Variants in SGCZ observed in about 807,000 individuals in gnomAD.
SGCZ encodes the protein zeta-sarcoglycan.
Under a neutral mutation model 41.3 loss-of-function variants are expected in SGCZ, and 40 were observed. The ratio of observed to expected loss-of-function variants is 0.97; its 90% CI spans 0.75 to 1.26. The LOEUF is 1.26. SGCZ is among the 50% of genes most tolerant of loss of function. The pLI is 0.00. For synonymous variants in SGCZ, 206 were observed against 137.5 expected, an observed-to-expected ratio of 1.50 and a Z score of -3.49; for missense variants, 552 against 369.8, an observed-to-expected ratio of 1.49 and a Z score of -4.04.
chr8:14,247,002 A>G (rs1799119894), intron 3 of SGCZ, among the ~76,000 whole-genome samples: 1 of 152,030 alleles, frequency 6.6e-6, no homozygotes, highest in South Asian at 2.1e-4. Context: ...TTTTTATGTT[A>G]AAGGAAGAAG....
intron 1 of SGCZ, among the ~76,000 whole-genome samples, chr8:14,592,555 G>T: frequency 6.6e-6 from 1 of 151,060 alleles, no homozygotes; most frequent in Non-Finnish European, 1.5e-5. Flanking sequence ...ATATTATTGA[G>T]TCTTAAAACA....
At chr8:14,141,687 G>A (rs1554466281) in intron 5 of SGCZ, among the ~76,000 whole-genome samples, 1 of 152,202 alleles carries the variant, frequency 6.6e-6, no homozygotes, top group Non-Finnish European at 1.5e-5. Flanking sequence ...AGAGGATGTG[G>A]AGAAATAGGA....
At position 14,800,203 on chromosome 8, in the gene SGCZ, T is replaced by C. The variant is rs572330761; in HGVS notation, c.40-245277A>G. Among the ~76,000 whole-genome samples, 3 of 152,270 alleles carry C rather than the reference T, an allele frequency of 2.0e-5. No individual in the cohort carries two copies. The East Asian group carries it at 5.8e-4, about 29-fold the overall frequency. Reference sequence around the variant, plus strand: ...TAAATGTTACCTGGTCATTTGGAAATATGTGATCCTAACACATGTGTTTAG... The same window carrying C: ...TAAATGTTACCTGGTCATTTGGAAACATGTGATCCTAACACATGTGTTTAG... On this transcript the variant is annotated intron_variant, in intron 1 of 7. Transcript: ENST00000382080.
intron 1 of SGCZ, among the ~76,000 whole-genome samples, chr8:15,091,784 ACT>A (rs1806161477): frequency 6.6e-6 from 1 of 152,084 alleles, no homozygotes; most frequent in African/African-American, 2.4e-5. Context: ...ACAGGGTCTC[ACT>A]CTGTCAACCA....
intron 2 of SGCZ, among the ~76,000 whole-genome samples, chr8:14,346,323 A>G (rs1245314384): frequency 6.6e-6 from 1 of 152,118 alleles, no homozygotes; most frequent in Non-Finnish European, 1.5e-5. Flanking sequence ...TCTTTGAGAT[A>G]AAATATACAT....
At chr8:14,133,110 C>G (rs745705768) in intron 5 of SGCZ, among the ~76,000 whole-genome samples, 2 of 152,160 alleles carry the variant, frequency 1.3e-5, no homozygotes, top group African/African-American at 4.8e-5. Context: ...AACACTTAGC[C>G]AGGGGACTGA....
intron 1 of SGCZ, among the ~76,000 whole-genome samples, chr8:15,135,983 G>C (rs1006492135): frequency 6.6e-6 from 1 of 152,078 alleles, no homozygotes; most frequent in Admixed American, 6.6e-5. Flanking sequence ...TTTAAAAAAC[G>C]GTGGTAACTT....
intron 1 of SGCZ, among the ~76,000 whole-genome samples, chr8:14,725,953 T>C (rs900742873): frequency 1.3e-5 from 2 of 152,092 alleles, no homozygotes; most frequent in African/African-American, 4.8e-5. Flanking sequence ...TTTTCACTTA[T>C]TAAAGTAAAA....
chr8:14,970,257 G>T (rs1801246644), intron 1 of SGCZ, among the ~76,000 whole-genome samples: 1 of 152,030 alleles, frequency 6.6e-6, no homozygotes, highest in South Asian at 2.1e-4. Flanking sequence ...TCTGACACAA[G>T]TCCTTGAATT....
At chr8:15,132,167 A>C (rs1000510604) in intron 1 of SGCZ, among the ~76,000 whole-genome samples, 1 of 152,128 alleles carries the variant, frequency 6.6e-6, no homozygotes, top group Non-Finnish European at 1.5e-5. Context: ...TTCTTTCCAC[A>C]TTGCCATTTA....
chr8:14,784,955 T>TTATA (rs3069678), intron 1 of SGCZ, among the ~76,000 whole-genome samples: 6 of 131,974 alleles, frequency 4.5e-5, no homozygotes, highest in Non-Finnish European at 9.5e-5. Context: ...ATTTTTTATA[T>TTATA]TATATATATA....
intron 1 of SGCZ, among the ~76,000 whole-genome samples, chr8:14,969,098 T>C (rs1368409999): frequency 1.3e-5 from 2 of 152,170 alleles, no homozygotes; most frequent in East Asian, 3.9e-4. Context: ...TATGACCCAA[T>C]TAACACCGCA....
chr8:14,372,394 G>C (rs987041113), intron 2 of SGCZ, among the ~76,000 whole-genome samples: 8 of 152,058 alleles, frequency 5.3e-5, no homozygotes, highest in African/African-American at 1.9e-4. Flanking sequence ...TATTTATTCT[G>C]TGCCAGATAA....
In SGCZ at chr8:15,238,226, GGAAAAGAA is replaced by G. The variant is rs759298033; in HGVS notation, c.-611_-604del. 1 of 152,182 alleles carries G rather than the reference GGAAAAGAA, an allele frequency of 6.6e-6. No homozygotes were observed. Among genetic ancestry groups the G allele is most frequent in the African/African-American group, 2.4e-5 (1 of 41,402 alleles). The allele number at this position is 152,182 out of a possible 1,614,324, so 9.4% of individuals were successfully genotyped here. ...TAGCTGAGAGGTATTTTCTCAGTGG[GGAAAAGAA>G]GATAATCAAGTCAGAAGGGAACGTT... On this transcript the variant is annotated 5_prime_UTR_variant, in exon 1 of 8. Transcript: ENST00000382080.
In SGCZ at chr8:14,392,538, T is replaced by G. The variant is rs565238440; in HGVS notation, c.235-68334A>C. 3.3e-4 allele frequency among the ~76,000 whole-genome samples: 50 copies of G among 152,304 alleles called. 1 individual carries two copies. The South Asian group carries it at 0.01, about 31-fold the overall frequency. ...GATAACAAAGCAGATTGTACTATAT[T>G]CATTTCAGATATAGGGGTCCATGTA... On this transcript the variant is annotated intron_variant, in intron 2 of 7. Transcript: ENST00000382080.
At chr8:14,448,782 A>G (rs1030741625) in intron 2 of SGCZ, among the ~76,000 whole-genome samples, 33 of 152,112 alleles carry the variant, frequency 2.2e-4, no homozygotes, top group Admixed American at 2.0e-3. Flanking sequence ...TCCTCAGTTC[A>G]ACGTCTGCCC....
chr8:14,780,513 T>C (rs1800556043), intron 1 of SGCZ, among the ~76,000 whole-genome samples: 1 of 152,086 alleles, frequency 6.6e-6, no homozygotes, highest in African/African-American at 2.4e-5. Context: ...TTGTATCTAC[T>C]AGGTCATGTA....
chr8:14,894,187 A>G (rs937556162), intron 1 of SGCZ, among the ~76,000 whole-genome samples: 4 of 152,196 alleles, frequency 2.6e-5, no homozygotes, highest in Admixed American at 6.5e-5. Context: ...GCCTCATAGT[A>G]CTTAAACTTT....
chr8:14,483,393 G>C (rs1466143919), intron 2 of SGCZ, among the ~76,000 whole-genome samples: 1 of 152,096 alleles, frequency 6.6e-6, no homozygotes, highest in African/African-American at 2.4e-5. Flanking sequence ...AATACAGTGA[G>C]ACTCCGTCTC....
Sources: gnomAD v4.1 joint callset for allele counts (sites outside exome capture counted in the v4.1 genomes callset) on GRCh38, gnomAD v4.1.1 for gene constraint, MANE v1.5 for transcripts, NCBI Gene and HGNC (gene_info 2026-07-23, HGNC 2026-07-21) for gene names.